The following TBL1XR1 variants were observed in gnomAD, a reference collection of about 807,000 sequenced individuals.
The protein encoded by TBL1XR1 is TBL1X/Y related 1, also known as F-box-like/WD repeat-containing protein TBL1XR1.
TBL1XR1 carries 5 observed loss-of-function variants against 66.9 expected under a neutral mutation model. The ratio of observed to expected loss-of-function variants is 0.07; its 90% CI spans 0.04 to 0.16. The LOEUF is 0.16. Among genes scored for constraint, TBL1XR1 ranks in the 10% least tolerant of loss-of-function variants. The pLI, the probability that TBL1XR1 is intolerant of heterozygous loss-of-function variation, is 1.00. For missense variants in TBL1XR1, 238 were observed against 623.2 expected, an observed-to-expected ratio of 0.38 and a Z score of 6.58; for synonymous variants, 210 against 206.0, an observed-to-expected ratio of 1.02 and a Z score of -0.17.
chr3:177,145,772 A>G (rs1730167897), intron 1 of TBL1XR1, among the ~76,000 whole-genome samples: 1 of 152,250 alleles, frequency 6.6e-6, no homozygotes, highest in Non-Finnish European at 1.5e-5. Context: ...TTATCAGAGT[A>G]GATTAACCCT....
intron 10 of TBL1XR1, chr3:177,045,051 G>A (rs1409875899): frequency 1.3e-5 from 2 of 152,024 alleles, no homozygotes; most frequent in South Asian, 2.1e-4. Flanking sequence ...ATTGTTTAAC[G>A]ATGTTTGCAA....
chr3:177,113,226 G>T (rs1725874084), intron 1 of TBL1XR1, among the ~76,000 whole-genome samples: 1 of 151,456 alleles, frequency 6.6e-6, no homozygotes, highest in South Asian at 2.1e-4. Context: ...CAAAAAAAAT[G>T]GATTAAAGAC....
intron 7 of TBL1XR1, among the ~76,000 whole-genome samples, chr3:177,049,389 A>G (rs1404243038): frequency 2.6e-5 from 4 of 152,204 alleles, no homozygotes; most frequent in Admixed American, 6.5e-5. Flanking sequence ...ATTTATCAAC[A>G]ACGAAGTCAA....
At chr3:177,045,548 TAA>T (rs1408485472) in intron 10 of TBL1XR1, among the ~76,000 whole-genome samples, 2 of 152,102 alleles carry the variant, frequency 1.3e-5, no homozygotes, top group Non-Finnish European at 2.9e-5. Context: ...GAGTATTTCT[TAA>T]AAGAGAAATC....
intron 1 of TBL1XR1, among the ~76,000 whole-genome samples, chr3:177,129,847 A>T (rs1560208065): frequency 3.9e-5 from 6 of 152,306 alleles, no homozygotes; most frequent in Middle Eastern, 3.4e-3. Context: ...AGTGAAATTT[A>T]AAAATGCACA....
chr3:177,140,750 T>C (rs1729536692), intron 1 of TBL1XR1, among the ~76,000 whole-genome samples: 1 of 152,206 alleles, frequency 6.6e-6, no homozygotes, highest in Admixed American at 6.5e-5. Flanking sequence ...TAAATATAAG[T>C]AAATAATAGT....
intron 1 of TBL1XR1, among the ~76,000 whole-genome samples, chr3:177,183,901 G>GTGTC (rs1560275363): frequency 1.3e-5 from 2 of 151,930 alleles, no homozygotes; most frequent in African/African-American, 4.8e-5. Context: ...TCAGGAGCTC[G>GTGTC]AGACCAGCTC....
At chr3:177,177,399 G>A (rs745650656) in intron 1 of TBL1XR1, among the ~76,000 whole-genome samples, 5 of 151,782 alleles carry the variant, frequency 3.3e-5, no homozygotes, top group South Asian at 2.1e-4. Context: ...GCAGTGAACC[G>A]AGATTGCGCC....
In TBL1XR1 at chr3:177,054,045, C is replaced by CGTGTGTGTGTGT. The variant is rs3046468; in HGVS notation, c.59-139_59-128dup. On this transcript the variant is annotated intron_variant, in intron 3 of 15. Transcript: ENST00000457928. Reference sequence around the variant, plus strand: ...CCCATTTAAAATCCCAGACGAAGGTCGTGTGTGTGTGTGTGTGTGTGTGTG... The same window carrying CGTGTGTGTGTGT: ...CCCATTTAAAATCCCAGACGAAGGTCGTGTGTGTGTGTGTGTGTGTGTGTGTGTGTGTGTGTG... 49 of 615,652 alleles carry CGTGTGTGTGTGT rather than the reference C, an allele frequency of 8.0e-5. No homozygotes were observed. The African/African-American group carries it at 8.6e-4, about 11-fold the overall frequency. 38.1% of individuals were successfully genotyped at this position (615,652 alleles called of 1,614,324 possible). A position where few individuals can be genotyped will look rare whatever the true frequency, so the allele number is the denominator to read the frequency against.
chr3:177,097,813 C>A (rs939984863), intron 2 of TBL1XR1, among the ~76,000 whole-genome samples: 1 of 152,142 alleles, frequency 6.6e-6, no homozygotes, highest in Admixed American at 6.5e-5. Context: ...AAATACTATT[C>A]ACAAAATTTA....
At chr3:177,068,623 T>C (rs1352014259) in intron 2 of TBL1XR1, among the ~76,000 whole-genome samples, 1 of 152,182 alleles carries the variant, frequency 6.6e-6, no homozygotes, top group Non-Finnish European at 1.5e-5. Context: ...GGACAACTAC[T>C]GCTCCAAATA....
intron 1 of TBL1XR1, among the ~76,000 whole-genome samples, chr3:177,157,440 T>C (rs932380533): frequency 5.9e-5 from 9 of 152,208 alleles, no homozygotes; most frequent in Admixed American, 2.6e-4. Flanking sequence ...CTTGCTGGCA[T>C]GATTTAGTAT....
At chr3:177,197,831 T>G (rs1489734257), upstream of TBL1XR1, among the ~76,000 whole-genome samples, 2 of 144,946 alleles carry the variant, frequency 1.4e-5, no homozygotes, top group African/African-American at 2.5e-5. Context: ...CGAAGGCGCC[T>G]CGGGGCCCCG....
intron 12 of TBL1XR1, among the ~76,000 whole-genome samples, chr3:177,035,668 C>T (rs1035817407): frequency 1.3e-5 from 2 of 152,164 alleles, no homozygotes; most frequent in Non-Finnish European, 2.9e-5. Context: ...CCCACGTCGG[C>T]CTCCCAAAGT....
chr3:177,046,981 T>C (rs995166740), intron 9 of TBL1XR1, among the ~76,000 whole-genome samples: 2 of 152,102 alleles, frequency 1.3e-5, no homozygotes, highest in East Asian at 3.9e-4. Context: ...GAATTTCCCA[T>C]GGATTCACTC....
chr3:177,148,126 T>A (rs572219945), intron 1 of TBL1XR1, among the ~76,000 whole-genome samples: 1 of 152,256 alleles, frequency 6.6e-6, no homozygotes. Flanking sequence ...GAATCAATTT[T>A]AGGATCTAAA....
chr3:177,064,204 T>C (rs1433622049), intron 3 of TBL1XR1, among the ~76,000 whole-genome samples: 1 of 152,226 alleles, frequency 6.6e-6, no homozygotes, highest in Non-Finnish European at 1.5e-5. Context: ...CCATGACATT[T>C]AAAATCACCA....
At chr3:177,076,018 T>C (rs562727805) in intron 2 of TBL1XR1, among the ~76,000 whole-genome samples, 1 of 152,298 alleles carries the variant, frequency 6.6e-6, no homozygotes, top group East Asian at 1.9e-4. Context: ...GGAAGTTTTT[T>C]CTCACAGTTC....
intron 3 of TBL1XR1, among the ~76,000 whole-genome samples, chr3:177,063,307 G>A (rs1718754773): frequency 1.3e-5 from 2 of 152,144 alleles, no homozygotes; most frequent in South Asian, 4.1e-4. Context: ...TGAACGACAA[G>A]GTAGTGCTGA....
Sources: gnomAD v4.1 joint callset for allele counts (sites outside exome capture counted in the v4.1 genomes callset) on GRCh38, gnomAD v4.1.1 for gene constraint, MANE v1.5 for transcripts, NCBI Gene and HGNC (gene_info 2026-07-23, HGNC 2026-07-21) for gene names.